The following VPS13C variants were observed in gnomAD, a reference collection of about 807,000 sequenced individuals.
VPS13C encodes the protein vacuolar protein sorting 13 homolog C, also known as intermembrane lipid transfer protein VPS13C.
In VPS13C, 358 loss-of-function variants were observed where a neutral mutation model predicts 456.8. That is an observed-to-expected ratio of 0.78 (90% CI 0.72 to 0.86). VPS13C has a LOEUF of 0.86. VPS13C is among the 40% of genes least tolerant of loss of function. VPS13C has a pLI of 0.00. For missense variants in VPS13C, 4,818 were observed against 4,385.4 expected, an observed-to-expected ratio of 1.10 and a Z score of -2.79; for synonymous variants, 1,578 against 1,486.7, an observed-to-expected ratio of 1.06 and a Z score of -1.41.
chr15:61,867,208 A>C lies in VPS13C; in HGVS notation c.10863+1451T>G. Reference sequence around the variant, plus strand: ...TCTACATTAATTAAAACTAATAATTATGAAATAAGCATAACCAACAAGGAG... The same window carrying C: ...TCTACATTAATTAAAACTAATAATTCTGAAATAAGCATAACCAACAAGGAG... On this transcript the variant is annotated intron_variant, in intron 81 of 84. Coordinates refer to ENST00000644861, the MANE Select transcript of VPS13C (RefSeq NM_020821.3). This position sits in a 1 kb window ranked among gnomAD's most constrained non-coding sequence, Gnocchi z 5.0. 1 of 982,706 alleles carries C rather than the reference A, an allele frequency of 1.0e-6. No individual in the cohort carries two copies. Among genetic ancestry groups the C allele is most frequent in the Non-Finnish European group, 1.2e-6 (1 of 827,430 alleles). 60.9% of individuals were successfully genotyped at this position (982,706 alleles called of 1,614,324 possible). A position where few individuals can be genotyped will look rare whatever the true frequency, so the allele number is the denominator to read the frequency against.
chr15:61,965,439 T>C (rs2045348865), intron 30 of VPS13C, among the ~76,000 whole-genome samples: 1 of 151,860 alleles, frequency 6.6e-6, no homozygotes, highest in Non-Finnish European at 1.5e-5. Flanking sequence ...GAAGCTAAAA[T>C]AGCAATACAA....
rs1182775064 is a variant in VPS13C, at chr15:61,882,723, T to G, written c.9497A>C (p.Lys3166Thr). The G allele has an allele frequency of 6.3e-7, 1 of 1,592,004 alleles. No homozygotes were observed. The highest frequency in any genetic ancestry group is 8.5e-7 in the Non-Finnish European group (1 of 1,171,642). ...LDNNFEVNFD[K>T]DPMEMRLPIR... The stretch of plus-strand genomic sequence containing the variant: ...AGGGAGGCGCATTTCCATTGGATCT[T>G]TATCAAAATTGACCTAGAAAAAAAG... The change falls in exon 69 of 85, where the codon AAA becomes ACA. Residue 3166 changes from lysine to threonine, a missense_variant. Physicochemically the swap from Lys to Thr is moderately conservative, Grantham distance 78. Around this residue, in one of 3 missense-constraint regions of VPS13C, gnomAD observed 4,552 missense variants for 4,130.6 expected, o/e 1.10. Coordinates refer to ENST00000644861, the MANE Select transcript of VPS13C (RefSeq NM_020821.3).
intron 47 of VPS13C, among the ~76,000 whole-genome samples, chr15:61,937,651 T>C (rs1485307062): frequency 6.6e-6 from 1 of 152,170 alleles, no homozygotes; most frequent in African/African-American, 2.4e-5. Context: ...ATTTTTTGTA[T>C]TTTTAGTAGA....
intron 9 of VPS13C, among the ~76,000 whole-genome samples, chr15:62,015,290 C>G (rs1288962772): frequency 6.6e-6 from 1 of 152,122 alleles, no homozygotes; most frequent in East Asian, 1.9e-4. Flanking sequence ...CTAGTTTCCT[C>G]CCATGTTGTA....
rs982354478 is a variant in VPS13C, at chr15:62,058,374, T to A, written c.100+1901A>T. ...CCTTTCCTTTACATTGTATTGAGTG[T>A]GGTGGGGGGATGTAAACAAAGAATG... is the stretch of plus-strand genomic sequence containing the variant. On this transcript the variant is annotated intron_variant, in intron 1 of 84. Coordinates refer to ENST00000644861, the MANE Select transcript of VPS13C (RefSeq NM_020821.3). 3.3e-5 allele frequency among the ~76,000 whole-genome samples: 5 copies of A among 152,092 alleles called. No homozygotes were observed. The East Asian group carries it at 9.6e-4, about 29-fold the overall frequency.
At chr15:61,868,590 C>A in intron 81 of VPS13C, 69 bp downstream of exon 81, 1 of 1,352,330 alleles carries the variant, frequency 7.4e-7, no homozygotes, top group Non-Finnish European at 1.0e-6. Context: ...TAAGAACCAC[C>A]TAGGAAATCC....
intron 12 of VPS13C, among the ~76,000 whole-genome samples, 198 bp downstream of exon 12, chr15:62,011,908 TC>T (rs2047052274): frequency 6.6e-6 from 1 of 151,980 alleles, no homozygotes; most frequent in Non-Finnish European, 1.5e-5. Context: ...TGCCCTTCTC[TC>T]TCTCTTATTC....
At chr15:61,880,006 C>T (rs910431962) in intron 73 of VPS13C, among the ~76,000 whole-genome samples, 12 of 151,888 alleles carry the variant, frequency 7.9e-5, no homozygotes, top group African/African-American at 2.4e-4. Flanking sequence ...TAAATCTGGC[C>T]CATTACACAA....
chr15:62,046,432 C>G (rs2048405218), intron 1 of VPS13C, among the ~76,000 whole-genome samples: 1 of 152,150 alleles, frequency 6.6e-6, no homozygotes, highest in South Asian at 2.1e-4. Context: ...ACAAATATTC[C>G]TAGATTCAAA....
intron 18 of VPS13C, among the ~76,000 whole-genome samples, chr15:61,989,944 A>G (rs1332113395): frequency 2.0e-5 from 3 of 152,194 alleles, no homozygotes; most frequent in Non-Finnish European, 4.4e-5. Flanking sequence ...ACTAAAAGAC[A>G]CAAGTTCAGA....
chr15:61,865,762 G>T, intron 81 of VPS13C: 1 of 624,800 alleles, frequency 1.6e-6, no homozygotes, highest in Non-Finnish European at 2.0e-6. Flanking sequence ...GTACATATAT[G>T]TACGTGTGTA....
rs1218168458 is a variant in VPS13C at position 62,041,363 on chromosome 15, C to T, written c.148G>A (p.Glu50Lys). The change falls in exon 3 of 85, where the codon GAA (glutamate) becomes AAA (lysine). Residue 50 changes from glutamate to lysine, a missense_variant. This residue lies in a region of VPS13C where 4,552 missense variants were observed against 4,130.6 expected (regional missense o/e 1.10). Transcript: ENST00000644861. ...TTGACTTTAAAAGGAACATCCAATT[C>T]ACTCTTCAGAAGAAAGAGAAAATGT... ...NLQIKENALS[E>K]LDVPFKVKAG... is the part of the protein sequence containing the mutation. 6.2e-7 allele frequency: 1 copy of T among 1,605,626 alleles called. No individual in the cohort carries two copies. Among genetic ancestry groups the T allele is most frequent in the Non-Finnish European group, 8.5e-7 (1 of 1,178,042 alleles).
intron 18 of VPS13C, among the ~76,000 whole-genome samples, chr15:61,990,369 G>A (rs1374702156): frequency 6.6e-6 from 1 of 151,994 alleles, no homozygotes; most frequent in Non-Finnish European, 1.5e-5. Context: ...CAAATAGGCA[G>A]TACATTTTGG....
rs557963561 is a variant in VPS13C at position 61,986,827 on chromosome 15, A to C, written c.1579-1828T>G. Among the ~76,000 whole-genome samples, 4 of 152,276 alleles carry C rather than the reference A, an allele frequency of 2.6e-5. No homozygotes were observed. In the South Asian group the frequency reaches 8.3e-4, roughly 32 times the overall value. ...AGAAAATGCAGGCCAAACAACAATG[A>C]AATTATACCTTCAAAACTCAGAAAA... On this transcript the variant is annotated intron_variant, in intron 18 of 84. Transcript: ENST00000644861.
Position 61,863,439 on chromosome 15 carries a change from C to T in VPS13C, c.10952+1G>A. The T allele has an allele frequency of 6.2e-7, 1 of 1,608,652 alleles. No homozygotes were observed. Among genetic ancestry groups the T allele is most frequent in the Admixed American group, 1.7e-5 (1 of 59,616 alleles). ...GGAAAAATGTCACTTCAAGTCAGTA[C>T]CTATTTGTAACCATAAGGATTGTCT... On this transcript the variant is annotated splice_donor_variant, in intron 82 of 84. Transcript: ENST00000644861. LOFTEE classifies it high-confidence loss of function.
chr15:61,998,770 G>C (rs1360114495), intron 16 of VPS13C, among the ~76,000 whole-genome samples: 1 of 152,032 alleles, frequency 6.6e-6, no homozygotes. Context: ...GGGTTTGAAC[G>C]GCATGAGTAC....
Position 61,919,404 on chromosome 15 carries a change from G to T in VPS13C, c.7523C>A (p.Pro2508His). 1 of 1,597,602 alleles carries T rather than the reference G, an allele frequency of 6.3e-7. No homozygotes were observed. ...TEVANIPVARPGRRLYNVRNP... is the reference protein window; with the variant it reads ...TEVANIPVARHGRRLYNVRNP... The stretch of plus-strand genomic sequence containing the variant: ...CCGTACATTATACAATCGCCGTCCA[G>T]GTCTGGCCACAGGGATATTTGCAAC... Residue 2508 changes from proline to histidine, a missense_variant, in exon 58 of 85, where the codon CCT (proline) becomes CAT (histidine). Transcript: ENST00000644861.
At chr15:61,916,127 G>A in intron 60 of VPS13C, 105 bp from the exon 61 acceptor site, 2 of 1,278,600 alleles carry the variant, frequency 1.6e-6, no homozygotes, top group South Asian at 1.6e-5. Flanking sequence ...CATGTAAACT[G>A]CTAAGTCTTC....
chr15:61,919,958 A>G, intron 57 of VPS13C, 109 bp downstream of exon 57: 2 of 1,102,388 alleles, frequency 1.8e-6, no homozygotes, highest in Middle Eastern at 4.9e-4. Flanking sequence ...TATGTTTCAA[A>G]TGTTGTATCT....
Sources: allele counts gnomAD v4.1 joint callset (sites outside exome capture counted in the v4.1 genomes callset), GRCh38; gene constraint gnomAD v4.1.1; regional missense constraint gnomAD v4.1.1; non-coding constraint Gnocchi (gnomAD v3.1); transcripts MANE v1.5; gene names NCBI Gene and HGNC (gene_info 2026-07-23, HGNC 2026-07-21).